The following DNAH2 variants were observed in gnomAD, a reference collection of about 807,000 sequenced individuals.
The protein encoded by DNAH2 is dynein axonemal heavy chain 2.
Under a neutral mutation model 523.5 loss-of-function variants are expected in DNAH2, and 323 were observed. That is an observed-to-expected ratio of 0.62 (90% CI 0.56 to 0.68). DNAH2 has a LOEUF of 0.68. Ranked by LOEUF, DNAH2 falls within the 30% of genes least tolerant of loss-of-function variation. DNAH2 has a pLI of 0.00. For missense variants in DNAH2, 4,907 were observed against 5,701.5 expected (o/e 0.86, Z 4.49); for synonymous variants, 2,093 against 2,177.4 (o/e 0.96, Z 1.08).
At chr17:7,776,939 A>T in intron 32 of DNAH2, 50 bp downstream of exon 32, 2 of 1,495,014 alleles carry the variant, frequency 1.3e-6, no homozygotes, top group Non-Finnish European at 9.2e-7. Flanking sequence ...GCACTTTGGG[A>T]GGCAGAGGTG....
chr17:7,719,552 G>A (rs759607248), intron 1 of DNAH2, among the ~76,000 whole-genome samples, 169 bp from the exon 2 acceptor site: 10 of 152,344 alleles, frequency 6.6e-5, no homozygotes, highest in Middle Eastern at 3.4e-3. Context: ...CCAGGCCCCT[G>A]TGGAGTACAG....
Position 7,780,559 on chromosome 17 carries a change from G to T in DNAH2, c.5851-71G>T. On this transcript the variant is annotated intron_variant, in intron 37 of 85. Transcript: ENST00000572933. The surrounding 1 kb of genome is among the most constrained non-coding windows in gnomAD (Gnocchi z 4.4). ...TCCTGGGACCTGGCTTCTTGTCTCTGACTGTCCTGAGATGAAGCAGAGGGA... is the reference window on the plus strand; with the variant it reads ...TCCTGGGACCTGGCTTCTTGTCTCTTACTGTCCTGAGATGAAGCAGAGGGA... The T allele has an allele frequency of 6.3e-7, 1 of 1,589,850 alleles. No individual in the cohort carries two copies.
Position 7,793,144 on chromosome 17 carries a change from G to T in DNAH2, c.7508G>T (p.Arg2503Leu). Residue 2503 changes from arginine (R) to leucine (L), a missense_variant, in exon 48 of 86, where the codon CGC becomes CTC. Arg to Leu is a moderately radical substitution (Grantham distance 102). Transcript: ENST00000572933. ...TCCCAGCCACCCCTGGAGCTGATCC[G>T]CCTCTGGATTGACTATGGCTTCTGG... ...FGSQPPLELI[R>L]LWIDYGFWYD... 6.2e-7 allele frequency: 1 copy of T among 1,614,152 alleles called. No individual in the cohort carries two copies. Among genetic ancestry groups the T allele is most frequent in the East Asian group, 2.2e-5 (1 of 44,884 alleles).
Position 7,764,115 on chromosome 17 carries a change from A to C in DNAH2, c.3180-2A>C, listed in dbSNP as rs374178633. The C allele has an allele frequency of 2.0e-5, 32 of 1,614,080 alleles. No homozygotes were observed. Among genetic ancestry groups the C allele is most frequent in the Non-Finnish European group, 2.5e-5 (29 of 1,180,034 alleles). On this transcript the variant is annotated splice_acceptor_variant, in intron 19 of 85. Coordinates refer to ENST00000572933, the MANE Select transcript of DNAH2 (RefSeq NM_020877.5). LOFTEE classifies it high-confidence loss of function. ...ACTAGCACTCCCTTTGCCCGCCTTCAGAATCAGCCGCCCTCCGCAGACACT... is the reference window on the plus strand; with the variant it reads ...ACTAGCACTCCCTTTGCCCGCCTTCCGAATCAGCCGCCCTCCGCAGACACT...
chr17:7,721,012 T>C (rs539527936), intron 2 of DNAH2, among the ~76,000 whole-genome samples: 30 of 140,422 alleles, frequency 2.1e-4, no homozygotes, highest in African/African-American at 6.8e-4. Context: ...TTCTTTTTTT[T>C]TTTTTTTTTT....
In DNAH2 at chr17:7,770,583, G is replaced by A; in HGVS notation, c.4125G>A (p.Trp1375Ter). Residue 1375 changes from tryptophan (W) to a stop codon, truncating the protein, a stop_gained, in exon 26 of 86, where the codon TGG becomes TGA. Transcript: ENST00000572933. LOFTEE classifies it high-confidence loss of function. ...EVALQNIAKT[W>*]DVTQLDIVPY... ...CTTTACAAAACATTGCCAAGACCTG[G>A]GATGTGACTCAGCTCGACATAGTAC... 6.2e-7 allele frequency: 1 copy of A among 1,614,108 alleles called. No individual in the cohort carries two copies.
intron 12 of DNAH2, chr17:7,743,568 A>T: frequency 2.0e-6 from 1 of 499,882 alleles, no homozygotes; most frequent in Non-Finnish European, 3.6e-6. Flanking sequence ...TGGGAGGGTG[A>T]GGTGGGAGGA....
Position 7,787,923 on chromosome 17 carries a change from G to A in DNAH2, c.6667G>A (p.Gly2223Arg), listed in dbSNP as rs887432059. Residue 2223 changes from glycine (G) to arginine (R), a missense_variant, in exon 43 of 86, where the codon GGG becomes AGG. Transcript: ENST00000572933. ...MASPATVSRC[G>R]MVYTDYADLG... Reference sequence around the variant, plus strand: ...CTCTCCGGCCACTGTATCCCGCTGCGGGATGGTCTACACTGACTACGCTGA... The same window carrying A: ...CTCTCCGGCCACTGTATCCCGCTGCAGGATGGTCTACACTGACTACGCTGA... 8 of 1,614,042 alleles carry A rather than the reference G, an allele frequency of 5.0e-6. No individual in the cohort carries two copies. Among genetic ancestry groups the A allele is most frequent in the African/African-American group, 1.3e-5 (1 of 74,916 alleles).
Position 7,729,430 on chromosome 17 carries a change from T to G in DNAH2, c.399+2138T>G, listed in dbSNP as rs369095805. ...GAGAGAGAGAGGAGGAGCCTAGGTT[T>G]GTTTGTTTGTTTGTTTTGAGACGGA... On this transcript the variant is annotated intron_variant, in intron 4 of 85. Coordinates refer to ENST00000572933, the MANE Select transcript of DNAH2 (RefSeq NM_020877.5). Among the ~76,000 whole-genome samples, 5 of 151,466 alleles carry G rather than the reference T, an allele frequency of 3.3e-5. No individual in the cohort carries two copies. The East Asian group carries it at 5.8e-4, about 18-fold the overall frequency.
chr17:7,726,005 T>C (rs2074796486), intron 3 of DNAH2, among the ~76,000 whole-genome samples: 2 of 151,992 alleles, frequency 1.3e-5, no homozygotes, highest in South Asian at 4.2e-4. Flanking sequence ...TTTATTTATT[T>C]GTTTGTTTAT....
At chr17:7,825,396 C>A (rs1273207687) in intron 77 of DNAH2, among the ~76,000 whole-genome samples, 1 of 152,220 alleles carries the variant, frequency 6.6e-6, no homozygotes, top group Non-Finnish European at 1.5e-5. Context: ...TATGTATCAT[C>A]CTCAACAGAT....
intron 61 of DNAH2, among the ~76,000 whole-genome samples, chr17:7,806,836 C>T (rs938965264): frequency 1.3e-5 from 2 of 151,862 alleles, no homozygotes; most frequent in Non-Finnish European, 2.9e-5. Flanking sequence ...CTGCCAGTCT[C>T]GGTTTGGTGA....
At chr17:7,793,447 T>TTCTTTTTCTTTCTTTCTTTCCTTC (rs774059490) in intron 48 of DNAH2, among the ~76,000 whole-genome samples, 1 of 96,416 alleles carries the variant, frequency 1.0e-5, no homozygotes, top group East Asian at 2.7e-4. Context: ...CTTTCTTTCT[T>TTCTTTTTCTTTCTTTCTTTCCTTC]TTTCTTTCTT....
chr17:7,804,110 A>T, intron 58 of DNAH2, 146 bp from the exon 59 acceptor site: 1 of 769,248 alleles, frequency 1.3e-6, no homozygotes, highest in South Asian at 1.8e-5. Context: ...AGGAAGTGAT[A>T]GAATCCCGAC....
intron 39 of DNAH2, among the ~76,000 whole-genome samples, chr17:7,782,992 A>G (rs2076641319): frequency 1.3e-5 from 2 of 152,208 alleles, no homozygotes; most frequent in African/African-American, 4.8e-5. Context: ...AGGTCACAGG[A>G]TGATGGTGGT....
At chr17:7,741,230 CTCTCTCTCTT>C (rs1362550198) in intron 11 of DNAH2, among the ~76,000 whole-genome samples, 8 of 130,254 alleles carry the variant, frequency 6.1e-5, no homozygotes, top group South Asian at 2.5e-4. Flanking sequence ...TCTTTTTTTT[CTCTCTCTCTT>C]TCTTTCTTTC....
rs1369343086 is a variant in DNAH2, at chr17:7,831,866, A to T, written c.12726+91A>T. ...ATCTCCTGGTTCTAGGTGGGCATAA[A>T]GCAAACTGCAGAGAGCCGAAACTTT... On this transcript the variant is annotated intron_variant, in intron 82 of 85. Transcript: ENST00000572933. The surrounding 1 kb of genome is among the most constrained non-coding windows in gnomAD (Gnocchi z 4.2). The T allele has an allele frequency of 2.6e-6, 3 of 1,174,544 alleles. No homozygotes were observed. The highest frequency in any genetic ancestry group is 1.5e-5 in the African/African-American group (1 of 64,962). The allele number at this position is 1,174,544 out of a possible 1,614,324, so 72.8% of individuals were successfully genotyped here. A position where few individuals can be genotyped will look rare whatever the true frequency, so the allele number is the denominator to read the frequency against.
chr17:7,722,194 G>T (rs997167562), intron 2 of DNAH2, among the ~76,000 whole-genome samples: 9 of 151,214 alleles, frequency 6.0e-5, no homozygotes, highest in South Asian at 2.1e-4. Flanking sequence ...AGACGGGGGG[G>T]GGGGTTCACC....
At position 7,799,232 on chromosome 17, in the gene DNAH2, G is replaced by GA; in HGVS notation, c.8690dup (p.Asp2897GlufsTer35). 6.2e-7 allele frequency: 1 copy of GA among 1,614,144 alleles called. No homozygotes were observed. Among genetic ancestry groups the GA allele is most frequent in the East Asian group, 2.2e-5 (1 of 44,894 alleles). ...CGTGCTCTGCCTCAGCCCCATGGGG[G>GA]ATCCCTTCAGGTGACTTCTGTGACA... On this transcript the variant is annotated frameshift_variant, in exon 56 of 86. Coordinates refer to ENST00000572933, the MANE Select transcript of DNAH2 (RefSeq NM_020877.5). LOFTEE classifies it high-confidence loss of function.
Sources: gnomAD v4.1 joint callset for allele counts (sites outside exome capture counted in the v4.1 genomes callset) on GRCh38, gnomAD v4.1.1 for gene constraint, Gnocchi (gnomAD v3.1) non-coding constraint, MANE v1.5 for transcripts, NCBI Gene and HGNC (gene_info 2026-07-23, HGNC 2026-07-21) for gene names.